FAM219A: variants seen among roughly 807,000 people sequenced by gnomAD.
FAM219A encodes the protein family with sequence similarity 219 member A, also known as protein FAM219A.
FAM219A carries 7 observed loss-of-function variants against 23.4 expected under a neutral mutation model. The ratio of observed to expected loss-of-function variants is 0.30; its 90% CI spans 0.17 to 0.56. The LOEUF (loss-of-function observed/expected upper bound fraction) is 0.56. Ranked by LOEUF, FAM219A falls within the 20% of genes least tolerant of loss-of-function variation. The pLI, the probability that FAM219A is intolerant of heterozygous loss-of-function variation, is 0.92. For synonymous variants in FAM219A, 93 were observed against 99.0 expected, an observed-to-expected ratio of 0.94 and a Z score of 0.36; for missense variants, 166 against 246.9, an observed-to-expected ratio of 0.67 and a Z score of 2.20.
rs190382749 is a variant in FAM219A at position 34,406,780 on chromosome 9, C to G, written c.61-816G>C. On this transcript the variant is annotated intron_variant, in intron 1 of 5. Coordinates refer to ENST00000651358, the MANE Select transcript of FAM219A (RefSeq NM_001184940.2). The stretch of plus-strand genomic sequence containing the variant: ...TTCACTTCACTAATCTCTAATTGGG[C>G]TGGGAACTATGTTGTCCAGAGTCTT... 1.8e-4 allele frequency among the ~76,000 whole-genome samples: 27 copies of G among 150,350 alleles called. No individual in the cohort carries two copies. The East Asian group carries it at 4.9e-3, about 27-fold the overall frequency.
chr9:34,402,156 C>A (rs1017989300), intron 4 of FAM219A: 2 of 1,465,300 alleles, frequency 1.4e-6, no homozygotes, highest in African/African-American at 2.8e-5. Flanking sequence ...GATCAGTTGT[C>A]CCAGGATGAC....
intron 1 of FAM219A, among the ~76,000 whole-genome samples, chr9:34,434,771 A>G (rs968341110): frequency 3.9e-5 from 6 of 152,150 alleles, no homozygotes; most frequent in African/African-American, 1.4e-4. Context: ...ATCTCTCAAC[A>G]GGGAGTAAGA....
At chr9:34,437,587 T>C (rs1359907334) in intron 1 of FAM219A, among the ~76,000 whole-genome samples, 1 of 152,256 alleles carries the variant, frequency 6.6e-6, no homozygotes, top group Non-Finnish European at 1.5e-5. Context: ...AAAGACTCCA[T>C]ACACCTGGGC....
At chr9:34,431,172 T>G (rs1822684558) in intron 1 of FAM219A, among the ~76,000 whole-genome samples, 1 of 152,144 alleles carries the variant, frequency 6.6e-6, no homozygotes. Context: ...CCTGGCCAGA[T>G]TTTCAAGGGG....
chr9:34,425,786 C>T (rs978315970), intron 1 of FAM219A, among the ~76,000 whole-genome samples: 5 of 152,090 alleles, frequency 3.3e-5, no homozygotes, highest in African/African-American at 2.4e-5. Context: ...CCTTGCGGAC[C>T]TACTGCATTA....
chr9:34,411,743 A>G (rs1241246989), intron 1 of FAM219A, among the ~76,000 whole-genome samples: 1 of 152,160 alleles, frequency 6.6e-6, no homozygotes. Flanking sequence ...AGTTCCCAAT[A>G]ATTATTAATA....
chr9:34,454,372 G>T (rs557631579), intron 1 of FAM219A, among the ~76,000 whole-genome samples: 1 of 152,332 alleles, frequency 6.6e-6, no homozygotes, highest in East Asian at 1.9e-4. Context: ...GGAGGCAGAG[G>T]TTGCAGTGAG....
At chr9:34,449,262 GGA>G (rs1823480547) in intron 1 of FAM219A, among the ~76,000 whole-genome samples, 1 of 152,118 alleles carries the variant, frequency 6.6e-6, no homozygotes, top group South Asian at 2.1e-4. Flanking sequence ...CCTGAGCTGG[GGA>G]AGGTCAAGGC....
intron 1 of FAM219A, among the ~76,000 whole-genome samples, chr9:34,455,356 C>A (rs1482123518): frequency 6.6e-6 from 1 of 151,962 alleles, no homozygotes; most frequent in Non-Finnish European, 1.5e-5. Context: ...TGAAATAGGT[C>A]ATAGCTAAGT....
intron 1 of FAM219A, among the ~76,000 whole-genome samples, chr9:34,429,735 G>A (rs1186668799): frequency 6.6e-6 from 1 of 152,072 alleles, no homozygotes; most frequent in Non-Finnish European, 1.5e-5. Flanking sequence ...TCATGTCAAT[G>A]TCCTTCCCTC....
At chr9:34,425,968 A>G (rs1822449295) in intron 1 of FAM219A, among the ~76,000 whole-genome samples, 1 of 152,208 alleles carries the variant, frequency 6.6e-6, no homozygotes, top group African/African-American at 2.4e-5. Flanking sequence ...GTTCTGTACA[A>G]TTAAATTTGG....
rs564239990 is a variant in FAM219A at position 34,458,165 on chromosome 9, CCCCT to C, written c.60+35_60+38del. ...TCCCTCCCTCCCCCTCAAGCGACGC[CCCCT>C]CCGGCCTTGGCCTGCCCGCCGCCCG... On this transcript the variant is annotated intron_variant, in intron 1 of 5. Transcript: ENST00000651358. This position sits in a 1 kb window ranked among gnomAD's most constrained non-coding sequence, Gnocchi z 6.6. 6.4e-7 allele frequency: 1 copy of C among 1,556,612 alleles called. No individual in the cohort carries two copies. The highest frequency in any genetic ancestry group is 1.4e-5 in the African/African-American group (1 of 72,904).
chr9:34,428,378 G>A (rs1822564392), intron 1 of FAM219A, among the ~76,000 whole-genome samples: 1 of 152,214 alleles, frequency 6.6e-6, no homozygotes, highest in South Asian at 2.1e-4. Context: ...GACTCTGAGA[G>A]TCTAGACAGG....
chr9:34,437,119 C>T (rs902277599), intron 1 of FAM219A, among the ~76,000 whole-genome samples: 2 of 152,194 alleles, frequency 1.3e-5, no homozygotes, highest in African/African-American at 4.8e-5. Context: ...CCCAGGAAAG[C>T]CTTGAAGCCA....
chr9:34,402,563 C>G, intron 3 of FAM219A, 96 bp from the exon 4 acceptor site: 1 of 1,568,808 alleles, frequency 6.4e-7, no homozygotes, highest in Non-Finnish European at 8.7e-7. Context: ...TTCTTCCCTC[C>G]CTCCCCACCT....
intron 1 of FAM219A, among the ~76,000 whole-genome samples, chr9:34,416,732 T>C (rs1337017444): frequency 4.2e-5 from 5 of 118,946 alleles, no homozygotes; most frequent in Non-Finnish European, 7.4e-5. Flanking sequence ...AGTGAGACTC[T>C]GTCTCAAAAA....
intron 1 of FAM219A, among the ~76,000 whole-genome samples, chr9:34,433,930 C>T (rs1822803699): frequency 6.6e-6 from 1 of 151,942 alleles, no homozygotes. Context: ...CGGCCGGGCG[C>T]GGTGGCTCAT....
Position 34,400,754 on chromosome 9 carries a change from G to C in FAM219A, c.*210C>G. On this transcript the variant is annotated 3_prime_UTR_variant, in exon 6 of 6. Transcript: ENST00000651358. ...CCCCACCCCTCCTCAGCTCCCGGGT[G>C]GAGAGAGACCCAGTTTTGGTTTCTC... 2.1e-6 allele frequency: 1 copy of C among 471,250 alleles called. No homozygotes were observed. Among genetic ancestry groups the C allele is most frequent in the Non-Finnish European group, 3.6e-6 (1 of 278,038 alleles). 29.2% of individuals were successfully genotyped at this position (471,250 alleles called of 1,614,324 possible). A position where few individuals can be genotyped will look rare whatever the true frequency, so the allele number is the denominator to read the frequency against.
Position 34,400,789 on chromosome 9 carries a change from G to T in FAM219A, c.*175C>A. On this transcript the variant is annotated 3_prime_UTR_variant, in exon 6 of 6. Coordinates refer to ENST00000651358, the MANE Select transcript of FAM219A (RefSeq NM_001184940.2). The stretch of plus-strand genomic sequence containing the variant: ...CCAGTTTTGGTTTCTCCAGCTCCAT[G>T]AACACACAGAGGTACACGTCCTACC... The T allele has an allele frequency of 1.6e-6, 1 of 622,680 alleles. No individual in the cohort carries two copies. The highest frequency in any genetic ancestry group is 2.5e-6 in the Non-Finnish European group (1 of 402,266). 38.6% of individuals were successfully genotyped at this position (622,680 alleles called of 1,614,324 possible).
Sources: allele counts gnomAD v4.1 joint callset (sites outside exome capture counted in the v4.1 genomes callset), GRCh38; gene constraint gnomAD v4.1.1; non-coding constraint Gnocchi (gnomAD v3.1); transcripts MANE v1.5; gene names NCBI Gene and HGNC (gene_info 2026-07-23, HGNC 2026-07-21).